Variants in LRRTM4 observed in about 807,000 individuals in gnomAD.
The protein encoded by LRRTM4 is leucine rich repeat transmembrane neuronal 4.
In LRRTM4, 25 loss-of-function variants were observed where a neutral mutation model predicts 47.6. The ratio of observed to expected loss-of-function variants is 0.53; its 90% confidence interval spans 0.38 to 0.73. LRRTM4 has a LOEUF of 0.73. Among genes scored for constraint, LRRTM4 ranks in the 30% least tolerant of loss-of-function variants. The pLI is 0.00. For synonymous variants in LRRTM4, 311 were observed against 269.5 expected (o/e 1.15, Z -1.51); for missense variants, 638 against 713.4 (o/e 0.89, Z 1.20).
chr2:76,907,924 A>G (rs1213331902), intron 3 of LRRTM4, among the ~76,000 whole-genome samples: 1 of 148,594 alleles, frequency 6.7e-6, no homozygotes, highest in Non-Finnish European at 1.5e-5. Context: ...ACAAGGAGGA[A>G]CTGGTACCAT....
At chr2:77,203,470 T>C (rs1231719661) in intron 3 of LRRTM4, among the ~76,000 whole-genome samples, 3 of 152,052 alleles carry the variant, frequency 2.0e-5, no homozygotes, top group Non-Finnish European at 4.4e-5. Context: ...ACTGACTGCC[T>C]TAGGTAAAGA....
intron 3 of LRRTM4, among the ~76,000 whole-genome samples, chr2:77,056,284 A>G (rs1679606926): frequency 6.6e-6 from 1 of 152,200 alleles, no homozygotes. Context: ...ATGCCCTTCT[A>G]TGAAATAAAC....
intron 3 of LRRTM4, among the ~76,000 whole-genome samples, chr2:77,178,691 G>A (rs1673268106): frequency 6.6e-6 from 1 of 151,854 alleles, no homozygotes; most frequent in Non-Finnish European, 1.5e-5. Flanking sequence ...TTCTTATGTA[G>A]CTATAAAATG....
intron 3 of LRRTM4, among the ~76,000 whole-genome samples, chr2:76,835,223 T>C (rs1397419597): frequency 1.3e-5 from 2 of 152,106 alleles, no homozygotes; most frequent in Non-Finnish European, 2.9e-5. Context: ...AGGTTAAGTA[T>C]GTATCCCTTA....
chr2:76,992,398 A>C (rs779364122), intron 3 of LRRTM4, among the ~76,000 whole-genome samples: 95 of 151,822 alleles, frequency 6.3e-4, no homozygotes, highest in South Asian at 1.0e-3. Flanking sequence ...GACTTTGCCT[A>C]AAGTCTAATA....
chr2:76,787,674 T>C (rs1325716964), intron 3 of LRRTM4, among the ~76,000 whole-genome samples: 1 of 152,134 alleles, frequency 6.6e-6, no homozygotes, highest in Non-Finnish European at 1.5e-5. Flanking sequence ...GAGTTTTGCA[T>C]TGACTACAGC....
At chr2:77,262,502 CTAATT>C (rs1675944350) in intron 3 of LRRTM4, among the ~76,000 whole-genome samples, 1 of 141,188 alleles carries the variant, frequency 7.1e-6, no homozygotes, top group Non-Finnish European at 1.5e-5. Context: ...TAGTTTTTAC[CTAATT>C]TTTTTTTTCT....
chr2:77,149,023 T>C (rs527347792), intron 3 of LRRTM4, among the ~76,000 whole-genome samples: 24 of 152,282 alleles, frequency 1.6e-4, no homozygotes, highest in Admixed American at 7.8e-4. Flanking sequence ...CCTAGAATTT[T>C]ATGTGAAACT....
Position 77,491,987 on chromosome 2 carries a change from T to C in LRRTM4, c.1551+26331A>G, listed in dbSNP as rs988598048. Among the ~76,000 whole-genome samples, 6 of 146,858 alleles carry C rather than the reference T, an allele frequency of 4.1e-5. No homozygotes were observed. The Admixed American group carries it at 4.1e-4, about 10-fold the overall frequency. ...GAAAGCAATGTCTAAAAATAGAAAA[T>C]ATAAAATCATATTATAAAACATAAT... On this transcript the variant is annotated intron_variant, in intron 3 of 3. Transcript: ENST00000409884.
chr2:77,178,094 A>G (rs886336331), intron 3 of LRRTM4, among the ~76,000 whole-genome samples: 1 of 152,212 alleles, frequency 6.6e-6, no homozygotes, highest in Non-Finnish European at 1.5e-5. Flanking sequence ...GATGTCAGCT[A>G]TTATTAACTG....
At chr2:76,941,367 A>T (rs529531843) in intron 3 of LRRTM4, among the ~76,000 whole-genome samples, 8 of 152,152 alleles carry the variant, frequency 5.3e-5, no homozygotes, top group African/African-American at 1.9e-4. Flanking sequence ...CAGAACATGC[A>T]GGTTTGTTAC....
At chr2:76,843,908 C>CTTTTTTTTTT (rs538704879) in intron 3 of LRRTM4, among the ~76,000 whole-genome samples, 1 of 145,374 alleles carries the variant, frequency 6.9e-6, no homozygotes. Flanking sequence ...TTTCTTTTTT[C>CTTTTTTTTTT]ATTTTTTTTT....
At chr2:77,336,591 C>G (rs532074272) in intron 3 of LRRTM4, among the ~76,000 whole-genome samples, 1 of 151,784 alleles carries the variant, frequency 6.6e-6, no homozygotes, top group African/African-American at 2.4e-5. Flanking sequence ...TGTGAGTCAC[C>G]GTATAGAATT....
intron 3 of LRRTM4, among the ~76,000 whole-genome samples, chr2:77,047,748 G>A (rs1558548468): frequency 6.6e-6 from 1 of 151,992 alleles, no homozygotes; most frequent in Non-Finnish European, 1.5e-5. Flanking sequence ...TGAGGGACTG[G>A]GGATTAGGAT....
At position 77,407,882 on chromosome 2, in the gene LRRTM4, C is replaced by T. The variant is rs543686171; in HGVS notation, c.1551+110436G>A. On this transcript the variant is annotated intron_variant, in intron 3 of 3. Coordinates refer to ENST00000409884, the MANE Select transcript of LRRTM4 (RefSeq NM_001134745.3). ...CATGTTTGAACTTTTTCTCTTTGATCTGAGTGTAGCTTTTGAAGAAATAGT... is the reference window on the plus strand; with the variant it reads ...CATGTTTGAACTTTTTCTCTTTGATTTGAGTGTAGCTTTTGAAGAAATAGT... 5.3e-5 allele frequency among the ~76,000 whole-genome samples: 8 copies of T among 151,134 alleles called. No individual in the cohort carries two copies. In the South Asian group the frequency reaches 6.2e-4, roughly 12 times the overall value.
At chr2:76,796,729 C>G (rs1391908003) in intron 3 of LRRTM4, among the ~76,000 whole-genome samples, 1 of 149,982 alleles carries the variant, frequency 6.7e-6, no homozygotes, top group Non-Finnish European at 1.5e-5. Context: ...AACAGAAAAA[C>G]TGGAAACTCT....
At chr2:77,076,639 G>A (rs962885735) in intron 3 of LRRTM4, among the ~76,000 whole-genome samples, 1 of 152,148 alleles carries the variant, frequency 6.6e-6, no homozygotes, top group African/African-American at 2.4e-5. Flanking sequence ...TAATGTCACT[G>A]AATGTATATC....
chr2:77,499,140 C>A (rs559581690), intron 3 of LRRTM4, among the ~76,000 whole-genome samples: 3 of 151,936 alleles, frequency 2.0e-5, no homozygotes, highest in East Asian at 1.9e-4. Flanking sequence ...TCTGGAGACA[C>A]CATTGGTTGT....
intron 3 of LRRTM4, among the ~76,000 whole-genome samples, chr2:77,396,510 G>C (rs1172195618): frequency 6.6e-6 from 1 of 151,904 alleles, no homozygotes; most frequent in Non-Finnish European, 1.5e-5. Flanking sequence ...ACAGAAGAAA[G>C]TAAATTTGGC....
Sources: gnomAD v4.1 joint callset for allele counts (sites outside exome capture counted in the v4.1 genomes callset) on GRCh38, gnomAD v4.1.1 for gene constraint, MANE v1.5 for transcripts, NCBI Gene and HGNC (gene_info 2026-07-23, HGNC 2026-07-21) for gene names.